The following TSPEAR variants were observed in gnomAD, a reference collection of about 807,000 sequenced individuals.
The protein encoded by TSPEAR is thrombospondin-type laminin G domain and EAR repeat-containing protein.
In TSPEAR, 69 loss-of-function variants were observed where a neutral mutation model predicts 71.6. That is an observed-to-expected ratio of 0.96 (90% CI 0.79 to 1.18). The LOEUF is 1.18. Among genes scored for constraint, TSPEAR ranks in the 50% most tolerant of loss-of-function variants. The probability of loss-of-function intolerance (pLI) is 0.00; values close to 1 mark genes in which losing one functional copy is unlikely to be tolerated. For synonymous variants in TSPEAR, 402 were observed against 387.2 expected (o/e 1.04, Z -0.45); for missense variants, 971 against 894.9 (o/e 1.09, Z -1.09).
At chr21:44,580,350 C>A in intron 1 of TSPEAR, 1 of 1,613,476 alleles carries the variant, frequency 6.2e-7, no homozygotes, top group Non-Finnish European at 8.5e-7. Flanking sequence ...GCGCAGCAAG[C>A]CGGCTGGCAG....
At chr21:44,696,869 G>A (rs1159165221) in intron 1 of TSPEAR, among the ~76,000 whole-genome samples, 1 of 151,710 alleles carries the variant, frequency 6.6e-6, no homozygotes, top group Non-Finnish European at 1.5e-5. Context: ...TACGCTACAC[G>A]GTTCATGGTG....
rs781816372 is a variant in TSPEAR, at chr21:44,697,239, G to A, written c.82+14194C>T. 4.8e-5 allele frequency: 78 copies of A among 1,613,886 alleles called. No individual in the cohort carries two copies. The highest frequency in any genetic ancestry group is 3.3e-4 in the Middle Eastern group (2 of 6,084). On this transcript the variant is annotated intron_variant, in intron 1 of 11. Transcript: ENST00000323084. ...TCCAGCGACCTGAGCTATGGCAGCCGCGTCTGCCTTCCTGGTTCCTGTGAC... is the reference window on the plus strand; with the variant it reads ...TCCAGCGACCTGAGCTATGGCAGCCACGTCTGCCTTCCTGGTTCCTGTGAC...
In TSPEAR at chr21:44,614,266, G is replaced by A. The variant is rs587653936; in HGVS notation, c.83-46261C>T. Among the ~76,000 whole-genome samples, 328 of 152,376 alleles carry A rather than the reference G, an allele frequency of 2.2e-3. 1 individual carries two copies. Among genetic ancestry groups the A allele is most frequent in the Non-Finnish European group, 3.3e-3 (226 of 68,024 alleles). On this transcript the variant is annotated intron_variant, in intron 1 of 11. Transcript: ENST00000323084. ...CACACGGTCTGAGCTGGGGATGGCC[G>A]TCCCCACTGACGTCAGGCAGCCCTA... is the stretch of plus-strand genomic sequence containing the variant.
At chr21:44,650,770 G>A (rs1984739516) in intron 1 of TSPEAR, among the ~76,000 whole-genome samples, 2 of 152,242 alleles carry the variant, frequency 1.3e-5, no homozygotes, top group Admixed American at 6.5e-5. Context: ...GGGAAATGGG[G>A]CTGGGGGCTG....
intron 2 of TSPEAR, chr21:44,540,011 C>T (rs782114408): frequency 6.2e-7 from 1 of 1,613,086 alleles, no homozygotes; most frequent in Non-Finnish European, 8.5e-7. Context: ...CACTGGGGTG[C>T]AGACCAGGGT....
At chr21:44,570,210 G>A (rs1001816196) in intron 1 of TSPEAR, among the ~76,000 whole-genome samples, 3 of 152,166 alleles carry the variant, frequency 2.0e-5, no homozygotes, top group African/African-American at 7.2e-5. Flanking sequence ...CCCATCGCTC[G>A]CTGGGCTTTG....
intron 9 of TSPEAR, 61 bp from the exon 10 acceptor site, chr21:44,509,447 GCGGGCGCAGAGGTGTGGGGGAGC>G (rs2052294216): frequency 7.2e-7 from 1 of 1,380,672 alleles, no homozygotes; most frequent in African/African-American, 1.5e-5. Context: ...GTGTGGGGGA[GCGGGCGCAGAGGTGTGGGGGAGC>G]GGGCGCAGAG....
At chr21:44,659,638 C>G (rs1985381417) in intron 1 of TSPEAR, among the ~76,000 whole-genome samples, 1 of 152,134 alleles carries the variant, frequency 6.6e-6, no homozygotes, top group Admixed American at 6.5e-5. Context: ...AAAAGTGACC[C>G]AGGGGCTGGG....
At chr21:44,674,785 T>TGTGTGTGTGTGTGC (rs1986230806) in intron 1 of TSPEAR, among the ~76,000 whole-genome samples, 1 of 135,946 alleles carries the variant, frequency 7.4e-6, no homozygotes, top group African/African-American at 2.9e-5. Flanking sequence ...TGTGTGTGTG[T>TGTGTGTGTGTGTGC]ATAACATTAC....
At chr21:44,658,429 T>G in intron 1 of TSPEAR, 1 of 600,040 alleles carries the variant, frequency 1.7e-6, no homozygotes, top group Non-Finnish European at 2.6e-6. Context: ...AGACCTTCCA[T>G]GACCCTGGGA....
At chr21:44,517,523 C>T (rs1042664259) in intron 9 of TSPEAR, 15 of 333,220 alleles carry the variant, frequency 4.5e-5, no homozygotes, top group South Asian at 3.0e-4. Flanking sequence ...TGTGAGGACA[C>T]GTGAGTACAG....
At chr21:44,501,786 G>GAGAT (rs2052036912) in intron 11 of TSPEAR, among the ~76,000 whole-genome samples, 1 of 151,992 alleles carries the variant, frequency 6.6e-6, no homozygotes, top group Non-Finnish European at 1.5e-5. Flanking sequence ...AAATAAGAAG[G>GAGAT]AGATATTATT....
chr21:44,591,144 G>A (rs952816814), intron 1 of TSPEAR: 1 of 613,450 alleles, frequency 1.6e-6, no homozygotes, highest in Non-Finnish European at 2.9e-6. Flanking sequence ...AACTAGAGGG[G>A]GTGCTGCCCA....
intron 1 of TSPEAR, among the ~76,000 whole-genome samples, chr21:44,670,748 G>A (rs1986016317): frequency 6.6e-6 from 1 of 152,186 alleles, no homozygotes. Flanking sequence ...GTCCTGAGCA[G>A]CTGTAGCATG....
chr21:44,501,363 A>C, intron 11 of TSPEAR, among the ~76,000 whole-genome samples: 1 of 152,208 alleles, frequency 6.6e-6, no homozygotes, highest in Non-Finnish European at 1.5e-5. Context: ...TGGGAGGCCG[A>C]GGCGGGCAGA....
At position 44,558,635 on chromosome 21, in the gene TSPEAR, A is replaced by G. The variant is rs59607155; in HGVS notation, c.303+9150T>C. The stretch of plus-strand genomic sequence containing the variant: ...AGCTGGTGGCGCAGCAGGGGGGCTC[A>G]CAGCAGCTCTCTGGGCAGGCGTCCA... On this transcript the variant is annotated intron_variant, in intron 2 of 11. Transcript: ENST00000323084. 7,094 of 1,612,766 alleles carry G rather than the reference A, an allele frequency of 4.4e-3. 148 individuals carry two copies. The African/African-American group carries it at 0.063, about 14-fold the overall frequency.
chr21:44,514,901 T>C (rs1465459389), intron 9 of TSPEAR, among the ~76,000 whole-genome samples: 3 of 152,190 alleles, frequency 2.0e-5, no homozygotes, highest in African/African-American at 4.8e-5. Flanking sequence ...TGCAAAGTCC[T>C]GCCATGCCCA....
chr21:44,666,574 A>G (rs1985774887), intron 1 of TSPEAR: 1 of 1,601,848 alleles, frequency 6.2e-7, no homozygotes, highest in African/African-American at 1.3e-5. Context: ...ACAGGCACGC[A>G]CAGGGAGGAC....
chr21:44,685,559 C>T (rs1272251626), intron 1 of TSPEAR, among the ~76,000 whole-genome samples: 1 of 152,106 alleles, frequency 6.6e-6, no homozygotes, highest in Non-Finnish European at 1.5e-5. Flanking sequence ...GTCCTGTGGC[C>T]ATTAGTGCTA....
Sources: gnomAD v4.1 joint callset for allele counts (sites outside exome capture counted in the v4.1 genomes callset) on GRCh38, gnomAD v4.1.1 for gene constraint, MANE v1.5 for transcripts, NCBI Gene and HGNC (gene_info 2026-07-23, HGNC 2026-07-21) for gene names.